Variants in CRB2 observed in about 807,000 individuals in gnomAD.
The protein encoded by CRB2 is crumbs cell polarity complex component 2.
In CRB2, 85 loss-of-function variants were observed where a neutral mutation model predicts 110.9. That is an observed-to-expected ratio of 0.77 (90% CI 0.64 to 0.92). CRB2 has a LOEUF of 0.92. CRB2 is among the 40% of genes least tolerant of loss of function. CRB2 has a pLI of 0.00. For synonymous variants in CRB2, 907 were observed against 831.0 expected, an observed-to-expected ratio of 1.09 and a Z score of -1.57; for missense variants, 1,843 against 1,851.3, an observed-to-expected ratio of 1.00 and a Z score of 0.08.
At chr9:123,372,367 C>T in intron 9 of CRB2, 25 bp downstream of exon 9, 2 of 1,567,172 alleles carry the variant, frequency 1.3e-6, no homozygotes, top group South Asian at 1.2e-5. Context: ...TGGGCAGCTC[C>T]CGTGCTGGGT....
At position 123,377,234 on chromosome 9, in the gene CRB2, G is replaced by T; in HGVS notation, c.*172G>T. 1.6e-6 allele frequency: 1 copy of T among 635,758 alleles called. No individual in the cohort carries two copies. Among genetic ancestry groups the T allele is most frequent in the South Asian group, 2.1e-5 (1 of 47,790 alleles). 39.4% of individuals were successfully genotyped at this position (635,758 alleles called of 1,614,324 possible). A position where few individuals can be genotyped will look rare whatever the true frequency, so the allele number is the denominator to read the frequency against. The stretch of plus-strand genomic sequence containing the variant: ...GATGGAGGACGAGGGGAGCAACTCA[G>T]GGAAACAGAGGCCTAGAGAGGCTGC... On this transcript the variant is annotated 3_prime_UTR_variant, in exon 13 of 13. Coordinates refer to ENST00000373631, the MANE Select transcript of CRB2 (RefSeq NM_173689.7).
intron 2 of CRB2, 50 bp from the exon 3 acceptor site, chr9:123,365,867 C>T (rs1396826577): frequency 6.6e-7 from 1 of 1,513,608 alleles, no homozygotes; most frequent in East Asian, 2.5e-5. Flanking sequence ...CCTCTTCCGC[C>T]CTGCTCTGGG....
rs369651593 is a variant in CRB2 at position 123,375,288 on chromosome 9, G to A, written c.3578G>A (p.Gly1193Glu). ...LNGGTCRAAGGVSECICNARF... is the reference protein window; with the variant it reads ...LNGGTCRAAGEVSECICNARF... The stretch of plus-strand genomic sequence containing the variant: ...GGGGGCACCTGCCGGGCAGCTGGAG[G>A]GGTGTCTGAATGTATCTGCAATGCC... The change falls in exon 12 of 13, where the codon GGG (glycine) becomes GAG (glutamate). Residue 1193 changes from glycine (G) to glutamate (E), a missense_variant. Physicochemically the swap from Gly to Glu is moderately conservative, Grantham distance 98 (BLOSUM62 -2). Coordinates refer to ENST00000373631, the MANE Select transcript of CRB2 (RefSeq NM_173689.7). 22 of 1,612,130 alleles carry A rather than the reference G, an allele frequency of 1.4e-5. No homozygotes were observed. In the African/African-American group the frequency reaches 2.4e-4, roughly 18 times the overall value.
upstream of CRB2, among the ~76,000 whole-genome samples, chr9:123,355,668 G>A (rs1283798641): frequency 3.4e-5 from 5 of 147,214 alleles, no homozygotes. Context: ...TGGGGAGGGG[G>A]CGTTGGGCTG....
rs775169284 is a variant in CRB2 at position 123,375,231 on chromosome 9, C to A, written c.3521C>A (p.Thr1174Asn). 4 of 1,612,656 alleles carry A rather than the reference C, an allele frequency of 2.5e-6. No individual in the cohort carries two copies. The African/African-American group carries it at 4.0e-5, about 16-fold the overall frequency. The change falls in exon 12 of 13, where the codon ACT becomes AAT. Residue 1174 changes from threonine (T) to asparagine (N), a missense_variant. Physicochemically the swap from Thr to Asn is moderately conservative, Grantham distance 65 (BLOSUM62 0). Transcript: ENST00000373631. ...TCCCTCTCCAGGTGTCAGGTCCCCA[C>A]TCTCCCCTGTGAAGCCAACCCCTGC... ...GLAGQRCQVP[T>N]LPCEANPCLN...
intron 4 of CRB2, 85 bp from the exon 5 acceptor site, chr9:123,367,087 G>T (rs1206690792): frequency 1.4e-6 from 2 of 1,398,222 alleles, no homozygotes; most frequent in Non-Finnish European, 1.9e-6. Flanking sequence ...GCGGTCCCTT[G>T]CTGGCCCTCG....
chr9:123,374,714 G>A lies in CRB2; in HGVS notation c.3506+19G>A. On this transcript the variant is annotated intron_variant, in intron 11 of 12. Transcript: ENST00000373631. The stretch of plus-strand genomic sequence containing the variant: ...GCCAGAGGTGGGTCTGGGGGCCTGG[G>A]AACTGTGAGGAGGTCCAATGAATGT... 1 of 1,557,720 alleles carries A rather than the reference G, an allele frequency of 6.4e-7. No homozygotes were observed. Among genetic ancestry groups the A allele is most frequent in the South Asian group, 1.1e-5 (1 of 89,650 alleles).
intron 10 of CRB2, 94 bp downstream of exon 10, chr9:123,374,014 C>T: frequency 6.9e-7 from 1 of 1,448,942 alleles, no homozygotes; most frequent in African/African-American, 1.4e-5. Flanking sequence ...AGTCGCTTCC[C>T]TTCCCTGGTC....
chr9:123,376,763 GCT>G (rs1242984173), intron 12 of CRB2, 73 bp from the exon 13 acceptor site: 2 of 1,341,524 alleles, frequency 1.5e-6, no homozygotes, highest in Non-Finnish European at 2.1e-6. Context: ...CTTGTGCTGC[GCT>G]CTCTGCTCTC....
At chr9:123,374,727 G>A in intron 11 of CRB2, 32 bp downstream of exon 11, 1 of 1,508,344 alleles carries the variant, frequency 6.6e-7, no homozygotes, top group Non-Finnish European at 9.1e-7. Context: ...CTGTGAGGAG[G>A]TCCAATGAAT....
At position 123,366,077 on chromosome 9, in the gene CRB2, C is replaced by T. The variant is rs758424803; in HGVS notation, c.579C>T (p.Cys193=). The T allele has an allele frequency of 1.0e-5, 16 of 1,554,294 alleles. No homozygotes were observed. Among genetic ancestry groups the T allele is most frequent in the African/African-American group, 1.4e-5 (1 of 72,754 alleles). ...TCGACGAGTGCCAGAGCCAGCCGTG[C>T]GCACATGGGGGCACGTGCCACGACC... is the stretch of plus-strand genomic sequence containing the variant. ...LDLDECQSQP[C]AHGGTCHDLV... is the part of the protein sequence containing the mutation. The change falls in exon 3 of 13, where the codon TGC becomes TGT. Residue 193 remains cysteine, a synonymous_variant. Coordinates refer to ENST00000373631, the MANE Select transcript of CRB2 (RefSeq NM_173689.7).
At chr9:123,380,096 A>G (rs1440723947), downstream of CRB2, 1 of 152,232 alleles carries the variant, frequency 6.6e-6, no homozygotes, top group African/African-American at 2.4e-5. Context: ...TGACATCTCC[A>G]GAGACCCCCT....
Position 123,370,731 on chromosome 9 carries a change from A to G in CRB2, c.1678A>G (p.Thr560Ala). ...PVALASTASATPLPAGISSAQ... is the reference protein window; with the variant it reads ...PVALASTASAAPLPAGISSAQ... ...GGCCCTGGCTTCCACGGCTTCGGCA[A>G]CTCCGCTGCCTGCCGGGATCTCCTC... is the stretch of plus-strand genomic sequence containing the variant. The change falls in exon 7 of 13, where the codon ACT (threonine) becomes GCT (alanine). Residue 560 changes from threonine (T) to alanine (A), a missense_variant. Coordinates refer to ENST00000373631, the MANE Select transcript of CRB2 (RefSeq NM_173689.7). 6.2e-7 allele frequency: 1 copy of G among 1,602,408 alleles called. No homozygotes were observed. The highest frequency in any genetic ancestry group is 8.5e-7 in the Non-Finnish European group (1 of 1,179,668).
chr9:123,370,368 A>T lies in CRB2; in HGVS notation c.1315A>T (p.Thr439Ser). 2 of 1,613,740 alleles carry T rather than the reference A, an allele frequency of 1.2e-6. No homozygotes were observed. Among genetic ancestry groups the T allele is most frequent in the Non-Finnish European group, 1.7e-6 (2 of 1,180,030 alleles). Residue 439 changes from threonine to serine, a missense_variant, in exon 7 of 13, where the codon ACC becomes TCC. Coordinates refer to ENST00000373631, the MANE Select transcript of CRB2 (RefSeq NM_173689.7). ...CCATGGACCGTTCTGTGGCCAGAAT[A>T]CCACCTTCTCTGTGATGGCTGGGAG... ...GTHGPFCGQN[T>S]TFSVMAGSPI...
chr9:123,378,831 T>TTTTTTTTTG, downstream of CRB2: 1 of 132,008 alleles, frequency 7.6e-6, no homozygotes, highest in African/African-American at 3.0e-5. Flanking sequence ...TTTTTTTTTT[T>TTTTTTTTTG]TGAGATGGAG....
intron 12 of CRB2, among the ~76,000 whole-genome samples, chr9:123,376,079 C>G (rs902609006): frequency 6.9e-6 from 1 of 145,946 alleles, no homozygotes; most frequent in African/African-American, 2.6e-5. Context: ...TACCCAGCCA[C>G]CTCCCCAGGG....
At chr9:123,359,759 C>T (rs2132733946) in intron 1 of CRB2, among the ~76,000 whole-genome samples, 1 of 152,262 alleles carries the variant, frequency 6.6e-6, no homozygotes, top group Admixed American at 6.5e-5. Flanking sequence ...TTCAGTAAAA[C>T]ACTTCTCATC....
At chr9:123,367,132 A>G (rs756592729) in intron 4 of CRB2, 40 bp from the exon 5 acceptor site, 1 of 1,519,620 alleles carries the variant, frequency 6.6e-7, no homozygotes, top group South Asian at 1.3e-5. Context: ...GCTGCCCGGC[A>G]ACCCCGTGAG....
intron 6 of CRB2, among the ~76,000 whole-genome samples, chr9:123,368,547 G>A (rs951805990): frequency 6.6e-6 from 1 of 152,248 alleles, no homozygotes; most frequent in African/African-American, 2.4e-5. Flanking sequence ...ATGAGGCAGG[G>A]GTTTAAAACC....
Sources: gnomAD v4.1 joint callset for allele counts (sites outside exome capture counted in the v4.1 genomes callset) on GRCh38, gnomAD v4.1.1 for gene constraint, MANE v1.5 for transcripts, NCBI Gene and HGNC (gene_info 2026-07-23, HGNC 2026-07-21) for gene names.